ACSS3: variants seen among roughly 807,000 people sequenced by gnomAD.
ACSS3 encodes acyl-CoA synthetase short-chain family member 3, mitochondrial.
In ACSS3, 64 loss-of-function variants were observed where a neutral mutation model predicts 84.2. The ratio of observed to expected loss-of-function variants is 0.76; its 90% CI spans 0.62 to 0.94. The LOEUF (loss-of-function observed/expected upper bound fraction) is 0.94, where lower values mean the gene tolerates loss of function less well. ACSS3 is among the 40% of genes least tolerant of loss of function. The pLI is 0.00. For missense variants in ACSS3, 815 were observed against 867.6 expected, an observed-to-expected ratio of 0.94 and a Z score of 0.76; for synonymous variants, 317 against 310.1, an observed-to-expected ratio of 1.02 and a Z score of -0.23.
intron 9 of ACSS3, among the ~76,000 whole-genome samples, chr12:81,213,065 G>T (rs973757071): frequency 3.9e-5 from 6 of 152,186 alleles, no homozygotes; most frequent in East Asian, 1.9e-4. Context: ...TCTACAAAGA[G>T]AATGCTCTAG....
intron 9 of ACSS3, among the ~76,000 whole-genome samples, chr12:81,202,771 G>A (rs768039506): frequency 5.3e-5 from 8 of 152,166 alleles, no homozygotes; most frequent in Non-Finnish European, 8.8e-5. Context: ...TTTGAAATTA[G>A]TAAGGGATAT....
chr12:81,114,227 T>G, intron 2 of ACSS3, among the ~76,000 whole-genome samples: 1 of 152,132 alleles, frequency 6.6e-6, no homozygotes, highest in Admixed American at 6.6e-5. Context: ...TAATTCAAAC[T>G]GCAAATTCCT....
rs1886635760 is a variant in ACSS3, at chr12:81,152,009, G to T, written c.1011G>T (p.Trp337Cys). Residue 337 changes from tryptophan to cysteine, a missense_variant, in exon 7 of 16, where the codon TGG becomes TGT. Transcript: ENST00000548058. Reference protein sequence around the residue: ...IYGLQPGEVWWAASDLGWVVG... With the variant: ...IYGLQPGEVWCAASDLGWVVG... Reference sequence around the variant, plus strand: ...ATTATCTTATTTTTTAGGTGTGGTGGGCAGCTTCTGACTTAGGCTGGGTTG... The same window carrying T: ...ATTATCTTATTTTTTAGGTGTGGTGTGCAGCTTCTGACTTAGGCTGGGTTG... The T allele has an allele frequency of 1.2e-6, 2 of 1,613,352 alleles. No individual in the cohort carries two copies. The highest frequency in any genetic ancestry group is 1.7e-6 in the Non-Finnish European group (2 of 1,179,696).
intron 7 of ACSS3, among the ~76,000 whole-genome samples, chr12:81,159,661 G>A (rs1222618896): frequency 6.6e-6 from 1 of 152,160 alleles, no homozygotes; most frequent in Non-Finnish European, 1.5e-5. Context: ...AACCGTGTAT[G>A]AACAAGAACA....
At chr12:81,127,696 C>T (rs1885199679) in intron 2 of ACSS3, among the ~76,000 whole-genome samples, 1 of 152,086 alleles carries the variant, frequency 6.6e-6, no homozygotes, top group Non-Finnish European at 1.5e-5. Flanking sequence ...TATGCATTCC[C>T]TGTCTGCTTT....
intron 8 of ACSS3, among the ~76,000 whole-genome samples, chr12:81,195,579 T>A (rs11830342): frequency 0.015 from 2,210 of 152,114 alleles, 51 homozygotes; most frequent in African/African-American, 0.05. Context: ...ATGTAATTTG[T>A]CAAAAAAATT....
chr12:81,168,815 T>TTATAACA (rs1381480507), intron 7 of ACSS3, among the ~76,000 whole-genome samples: 3 of 152,210 alleles, frequency 2.0e-5, no homozygotes, highest in Non-Finnish European at 4.4e-5. Context: ...GCTCATTTAT[T>TTATAACA]TATAACAAAT....
chr12:81,163,604 G>T (rs781522096), intron 7 of ACSS3, among the ~76,000 whole-genome samples: 3 of 152,168 alleles, frequency 2.0e-5, no homozygotes, highest in African/African-American at 7.2e-5. Flanking sequence ...TATTCCAGAA[G>T]AAGTCATTAT....
At chr12:81,192,375 A>G (rs529950650) in intron 8 of ACSS3, among the ~76,000 whole-genome samples, 7 of 152,280 alleles carry the variant, frequency 4.6e-5, no homozygotes, top group Admixed American at 2.6e-4. Context: ...GCAAGACTCC[A>G]TCTCAGGAAA....
intron 13 of ACSS3, among the ~76,000 whole-genome samples, chr12:81,235,305 ATATT>A (rs2033596404): frequency 6.6e-6 from 1 of 151,122 alleles, no homozygotes; most frequent in Non-Finnish European, 1.5e-5. Context: ...ATCATGGAAA[ATATT>A]TAATAGATTT....
chr12:81,192,308 G>A (rs1009280108), intron 8 of ACSS3, among the ~76,000 whole-genome samples: 2 of 152,296 alleles, frequency 1.3e-5, no homozygotes, highest in East Asian at 3.9e-4. Flanking sequence ...TTGAATCTGG[G>A]AGGCAAGGTT....
At chr12:81,126,370 A>G (rs1364093382) in intron 2 of ACSS3, among the ~76,000 whole-genome samples, 1 of 152,142 alleles carries the variant, frequency 6.6e-6, no homozygotes, top group Non-Finnish European at 1.5e-5. Flanking sequence ...TTTCCTTTTT[A>G]TTGCATGCAC....
chr12:81,229,449 A>C (rs1299196150), intron 11 of ACSS3, among the ~76,000 whole-genome samples: 2 of 151,856 alleles, frequency 1.3e-5, no homozygotes, highest in Non-Finnish European at 2.9e-5. Flanking sequence ...TATTTGTTAT[A>C]GTCATATTCT....
At chr12:81,170,083 C>T (rs533623528) in intron 7 of ACSS3, among the ~76,000 whole-genome samples, 1 of 152,080 alleles carries the variant, frequency 6.6e-6, no homozygotes, top group African/African-American at 2.4e-5. Context: ...AACCTCAAGA[C>T]CTGAAGAAAT....
At chr12:81,105,237 A>G (rs986698007) in intron 1 of ACSS3, among the ~76,000 whole-genome samples, 44 of 152,198 alleles carry the variant, frequency 2.9e-4, no homozygotes, top group African/African-American at 1.1e-3. Flanking sequence ...ACACATTCAA[A>G]ACAATTTTTT....
chr12:81,202,926 C>T (rs1323684353), intron 9 of ACSS3, among the ~76,000 whole-genome samples: 2 of 152,074 alleles, frequency 1.3e-5, no homozygotes, highest in African/African-American at 4.8e-5. Flanking sequence ...GATATAGATA[C>T]AGATATATGA....
intron 2 of ACSS3, among the ~76,000 whole-genome samples, chr12:81,122,931 T>A (rs1466345657): frequency 1.3e-5 from 2 of 152,174 alleles, no homozygotes; most frequent in African/African-American, 4.8e-5. Context: ...ATTTGAAAAA[T>A]TTTAAATAGG....
chr12:81,231,877 C>A (rs900644966), intron 12 of ACSS3, among the ~76,000 whole-genome samples: 1 of 151,212 alleles, frequency 6.6e-6, no homozygotes, highest in Non-Finnish European at 1.5e-5. Flanking sequence ...CCCACCCCCA[C>A]CGCCTAACCC....
intron 8 of ACSS3, among the ~76,000 whole-genome samples, chr12:81,176,993 A>T (rs1166696622): frequency 6.6e-6 from 1 of 152,200 alleles, no homozygotes. Context: ...TTACTCCTGG[A>T]ATGCAAGGTT....
Sources: gnomAD v4.1 joint callset for allele counts (sites outside exome capture counted in the v4.1 genomes callset) on GRCh38, gnomAD v4.1.1 for gene constraint, MANE v1.5 for transcripts, NCBI Gene and HGNC (gene_info 2026-07-23, HGNC 2026-07-21) for gene names.